Variants in VTI1A observed in about 807,000 individuals in gnomAD.
VTI1A encodes the protein vesicle transport through interaction with t-SNAREs 1A, also known as vesicle transport through interaction with t-SNAREs homolog 1A.
In VTI1A, 22 loss-of-function variants were observed where a neutral mutation model predicts 34.9. That is an observed-to-expected ratio of 0.63 (90% CI 0.45 to 0.90). The LOEUF (loss-of-function observed/expected upper bound fraction) is 0.90, where lower values mean the gene tolerates loss of function less well. Among genes scored for constraint, VTI1A ranks in the 40% least tolerant of loss-of-function variants. VTI1A has a pLI of 0.00. For synonymous variants in VTI1A, 87 were observed against 97.3 expected (o/e 0.89, Z 0.62); for missense variants, 268 against 275.6 (o/e 0.97, Z 0.20).
chr10:112,709,682 C>CCTTTT (rs557189298), intron 7 of VTI1A, among the ~76,000 whole-genome samples: 1 of 70,256 alleles, frequency 1.4e-5, no homozygotes, highest in African/African-American at 6.5e-5. Context: ...CTCTATGTGG[C>CCTTTT]TTTTTTTTTT....
At chr10:112,683,513 A>G in intron 7 of VTI1A, among the ~76,000 whole-genome samples, 1 of 152,328 alleles carries the variant, frequency 6.6e-6, no homozygotes, top group South Asian at 2.1e-4. Flanking sequence ...TAAAACAGAA[A>G]ATAGTAATAT....
chr10:112,760,322 A>T (rs1248293910), intron 7 of VTI1A, among the ~76,000 whole-genome samples: 1 of 152,224 alleles, frequency 6.6e-6, no homozygotes, highest in Non-Finnish European at 1.5e-5. Context: ...AATAACTAAG[A>T]GTAAAATAGA....
intron 3 of VTI1A, among the ~76,000 whole-genome samples, chr10:112,465,172 T>C (rs1847856349): frequency 6.6e-6 from 1 of 152,244 alleles, no homozygotes; most frequent in Admixed American, 6.5e-5. Context: ...ACAGTTTATA[T>C]GTGATCCTTT....
At chr10:112,775,291 C>T (rs748519609) in intron 7 of VTI1A, among the ~76,000 whole-genome samples, 11 of 152,172 alleles carry the variant, frequency 7.2e-5, no homozygotes, top group Non-Finnish European at 1.2e-4. Context: ...AGAGCCTCAT[C>T]GATCTCTTAT....
At chr10:112,537,990 G>A (rs1850710770) in intron 4 of VTI1A, among the ~76,000 whole-genome samples, 1 of 152,098 alleles carries the variant, frequency 6.6e-6, no homozygotes, top group African/African-American at 2.4e-5. Context: ...TCAGTATTTT[G>A]AAGTAAGATT....
chr10:112,731,635 T>C (rs1283599110), intron 7 of VTI1A, among the ~76,000 whole-genome samples: 2 of 152,106 alleles, frequency 1.3e-5, no homozygotes, highest in Non-Finnish European at 2.9e-5. Context: ...TTAGGAAGAT[T>C]ACTCAGTTAA....
intron 7 of VTI1A, among the ~76,000 whole-genome samples, chr10:112,693,734 A>G (rs1848686238): frequency 6.6e-6 from 1 of 152,152 alleles, no homozygotes; most frequent in Admixed American, 6.6e-5. Context: ...AGGTAAATTA[A>G]AAGGCCCTAG....
intron 5 of VTI1A, among the ~76,000 whole-genome samples, chr10:112,641,297 C>T (rs1409152880): frequency 3.3e-5 from 5 of 152,158 alleles, no homozygotes; most frequent in Non-Finnish European, 7.4e-5. Context: ...ACATTACCTC[C>T]CTGCTACCCC....
At chr10:112,475,847 C>G (rs1321502153) in intron 3 of VTI1A, among the ~76,000 whole-genome samples, 2 of 152,130 alleles carry the variant, frequency 1.3e-5, no homozygotes, top group Non-Finnish European at 2.9e-5. Flanking sequence ...AAAAAAGAAA[C>G]TATGGTAGTA....
intron 5 of VTI1A, among the ~76,000 whole-genome samples, chr10:112,593,146 G>A (rs1844458944): frequency 6.6e-6 from 1 of 152,208 alleles, no homozygotes; most frequent in Non-Finnish European, 1.5e-5. Flanking sequence ...GAAAAGTTTA[G>A]GTTAGACCAG....
At chr10:112,713,743 G>A (rs935806483) in intron 7 of VTI1A, among the ~76,000 whole-genome samples, 2 of 152,172 alleles carry the variant, frequency 1.3e-5, no homozygotes, top group East Asian at 3.8e-4. Flanking sequence ...AATTATCAGT[G>A]ATGTTTTCAG....
intron 3 of VTI1A, among the ~76,000 whole-genome samples, chr10:112,505,764 C>T (rs1036080586): frequency 2.6e-5 from 4 of 151,842 alleles, no homozygotes; most frequent in African/African-American, 4.8e-5. Context: ...GTCTTAACCT[C>T]CCAGGCTCAA....
intron 3 of VTI1A, among the ~76,000 whole-genome samples, chr10:112,518,587 CTCTATA>C (rs1387707684): frequency 0.012 from 1,124 of 93,608 alleles, 6 homozygotes; most frequent in Non-Finnish European, 0.017. Context: ...CTCTCTCTCT[CTCTATA>C]TATATATATA....
chr10:112,705,488 G>A (rs1323875461), intron 7 of VTI1A, among the ~76,000 whole-genome samples: 2 of 151,962 alleles, frequency 1.3e-5, no homozygotes, highest in Non-Finnish European at 1.5e-5. Flanking sequence ...AAGAACCAAA[G>A]GCACGCCCCT....
chr10:112,640,886 T>G (rs960297227), intron 5 of VTI1A, among the ~76,000 whole-genome samples: 9 of 152,186 alleles, frequency 5.9e-5, no homozygotes, highest in Non-Finnish European at 1.0e-4. Context: ...TCATTCATTG[T>G]CTGGGCTCCA....
At chr10:112,839,937 T>C in the VTI1A span, among the ~76,000 whole-genome samples, 4 of 152,144 alleles carry the variant, frequency 2.6e-5, no homozygotes, top group African/African-American at 9.7e-5. Context: ...CTGAGGGGCT[T>C]CAGGCACATT....
chr10:112,846,518 G>A, the VTI1A span, among the ~76,000 whole-genome samples: 1 of 152,138 alleles, frequency 6.6e-6, no homozygotes, highest in Non-Finnish European at 1.5e-5. Context: ...TGTAATCCCA[G>A]CACTTTGGGA....
intron 5 of VTI1A, among the ~76,000 whole-genome samples, chr10:112,584,693 C>G (rs1844080318): frequency 6.6e-6 from 1 of 152,206 alleles, no homozygotes. Context: ...GTACTAGACT[C>G]TTGATAAGCA....
At chr10:112,722,134 A>G (rs542199303) in intron 7 of VTI1A, among the ~76,000 whole-genome samples, 1 of 152,254 alleles carries the variant, frequency 6.6e-6, no homozygotes, top group Non-Finnish European at 1.5e-5. Context: ...TTTAAAAGAA[A>G]GTAACCAAAT....
Sources: gnomAD v4.1 joint callset for allele counts (sites outside exome capture counted in the v4.1 genomes callset) on GRCh38, gnomAD v4.1.1 for gene constraint, MANE v1.5 for transcripts, NCBI Gene and HGNC (gene_info 2026-07-23, HGNC 2026-07-21) for gene names.